Variants in ZCCHC7 observed in about 807,000 individuals in gnomAD.
ZCCHC7 encodes the protein zinc finger CCHC-type containing 7.
A neutral mutation model predicts 52.0 loss-of-function variants in ZCCHC7; 35 were observed. That is an observed-to-expected ratio of 0.67 (90% CI 0.51 to 0.89). The LOEUF (loss-of-function observed/expected upper bound fraction) is 0.89, where lower values mean the gene tolerates loss of function less well. Among genes scored for constraint, ZCCHC7 ranks in the 40% least tolerant of loss-of-function variants. ZCCHC7 has a pLI of 0.00. For missense variants in ZCCHC7, 574 were observed against 649.1 expected (o/e 0.88, Z 1.26); for synonymous variants, 217 against 221.5 (o/e 0.98, Z 0.18).
chr9:37,224,575 T>C (rs1824998545), intron 2 of ZCCHC7, among the ~76,000 whole-genome samples: 1 of 152,196 alleles, frequency 6.6e-6, no homozygotes, highest in Non-Finnish European at 1.5e-5. Flanking sequence ...ATAAAGTGAC[T>C]TCTGTAGCTC....
rs576022493 is a variant in ZCCHC7 at position 37,283,012 on chromosome 9, A to G, written c.611-19176A>G. Among the ~76,000 whole-genome samples the G allele has an allele frequency of 2.6e-5, 4 of 151,798 alleles. No individual in the cohort carries two copies. The South Asian group carries it at 8.3e-4, about 32-fold the overall frequency. On this transcript the variant is annotated intron_variant, in intron 2 of 8. Coordinates refer to ENST00000336755, the MANE Select transcript of ZCCHC7 (RefSeq NM_032226.3). ...GGTGTTGAAGCAACTCAATCATGCT[A>G]CTACTAATAGTTCCTCTTGGGTTGA...
intron 2 of ZCCHC7, among the ~76,000 whole-genome samples, chr9:37,233,350 G>A (rs1325299279): frequency 6.6e-6 from 1 of 152,130 alleles, no homozygotes; most frequent in Non-Finnish European, 1.5e-5. Context: ...CATATGACCT[G>A]GGAAATTGTG....
At chr9:37,288,827 C>T (rs998170504) in intron 2 of ZCCHC7, among the ~76,000 whole-genome samples, 39 of 152,268 alleles carry the variant, frequency 2.6e-4, no homozygotes, top group African/African-American at 9.1e-4. Flanking sequence ...TAAATTCTTG[C>T]TCATGTTCTA....
At chr9:37,181,317 A>G (rs1161230300) in intron 2 of ZCCHC7, among the ~76,000 whole-genome samples, 1 of 152,162 alleles carries the variant, frequency 6.6e-6, no homozygotes, top group Admixed American at 6.5e-5. Flanking sequence ...AGAAGGTATG[A>G]CTACTTCAAA....
At chr9:37,325,734 C>T (rs1304893979) in intron 5 of ZCCHC7, among the ~76,000 whole-genome samples, 2 of 151,948 alleles carry the variant, frequency 1.3e-5, no homozygotes, top group Non-Finnish European at 2.9e-5. Context: ...ATAAGTATTA[C>T]AAAAAATAGC....
chr9:37,242,428 C>T (rs999038813), intron 2 of ZCCHC7, among the ~76,000 whole-genome samples: 4 of 151,790 alleles, frequency 2.6e-5, no homozygotes, highest in African/African-American at 4.8e-5. Flanking sequence ...TGTATGAGGG[C>T]ACTTCCTTGC....
intron 5 of ZCCHC7, among the ~76,000 whole-genome samples, chr9:37,311,595 A>G (rs13289001): frequency 0.33 from 50,823 of 151,804 alleles, 8,866 homozygotes; most frequent in Middle Eastern, 0.41. Context: ...TTTTTAGTAG[A>G]GGTGTGGTTT....
intron 5 of ZCCHC7, among the ~76,000 whole-genome samples, chr9:37,319,190 T>C (rs117847856): frequency 3.3e-5 from 5 of 152,118 alleles, no homozygotes; most frequent in Admixed American, 2.0e-4. Flanking sequence ...TGGTGAAATA[T>C]TAACATCCCT....
intron 2 of ZCCHC7, among the ~76,000 whole-genome samples, chr9:37,249,253 T>C (rs1314565205): frequency 6.6e-6 from 1 of 152,092 alleles, no homozygotes; most frequent in African/African-American, 2.4e-5. Context: ...AATGGTCATG[T>C]TCTCCAGTGC....
At chr9:37,197,820 C>T (rs949063527) in intron 2 of ZCCHC7, among the ~76,000 whole-genome samples, 1 of 152,022 alleles carries the variant, frequency 6.6e-6, no homozygotes, top group Non-Finnish European at 1.5e-5. Flanking sequence ...AAGTGGTTGT[C>T]TCTTTGGCAT....
chr9:37,226,711 A>C (rs1825123976), intron 2 of ZCCHC7, among the ~76,000 whole-genome samples: 1 of 152,220 alleles, frequency 6.6e-6, no homozygotes, highest in Non-Finnish European at 1.5e-5. Context: ...ATTTAAATGT[A>C]AGAATTATAT....
chr9:37,310,800 T>C (rs1184693014), intron 5 of ZCCHC7, among the ~76,000 whole-genome samples: 2 of 150,794 alleles, frequency 1.3e-5, no homozygotes, highest in Non-Finnish European at 1.5e-5. Flanking sequence ...AAAAAAAAAA[T>C]TTAAAAATTA....
intron 2 of ZCCHC7, among the ~76,000 whole-genome samples, chr9:37,291,933 TC>T (rs1322259007): frequency 6.6e-6 from 1 of 152,246 alleles, no homozygotes. Context: ...CCTCAGGTGA[TC>T]CGCCTGCCTT....
chr9:37,139,892 T>C (rs1207097186), intron 2 of ZCCHC7, among the ~76,000 whole-genome samples: 1 of 151,956 alleles, frequency 6.6e-6, no homozygotes, highest in Non-Finnish European at 1.5e-5. Context: ...GAGGGAAAGC[T>C]CCAACTCTTG....
intron 2 of ZCCHC7, among the ~76,000 whole-genome samples, chr9:37,231,515 T>C (rs910719059): frequency 2.6e-5 from 4 of 152,156 alleles, no homozygotes; most frequent in Non-Finnish European, 5.9e-5. Context: ...TTTTGTATAT[T>C]TTTTTATTAA....
intron 2 of ZCCHC7, among the ~76,000 whole-genome samples, chr9:37,222,360 T>TG (rs1239410057): frequency 1.3e-5 from 2 of 151,106 alleles, no homozygotes; most frequent in Non-Finnish European, 3.0e-5. Context: ...TGTGTGTGTG[T>TG]GTGTGTGTGT....
intron 5 of ZCCHC7, among the ~76,000 whole-genome samples, chr9:37,307,934 G>A (rs1306339199): frequency 6.6e-6 from 1 of 152,096 alleles, no homozygotes; most frequent in African/African-American, 2.4e-5. Flanking sequence ...ACTTATGTCT[G>A]GATAAGTATT....
intron 5 of ZCCHC7, chr9:37,327,202 T>G (rs895954008): frequency 1.3e-5 from 2 of 152,158 alleles, no homozygotes; most frequent in Non-Finnish European, 2.9e-5. Context: ...TTGGGGATTT[T>G]TAAAGTTGTT....
chr9:37,275,402 A>C (rs1233065831), intron 2 of ZCCHC7, among the ~76,000 whole-genome samples: 1 of 151,312 alleles, frequency 6.6e-6, no homozygotes, highest in Non-Finnish European at 1.5e-5. Flanking sequence ...CCTTAATAAA[A>C]CATTATAAAG....
Sources: gnomAD v4.1 joint callset for allele counts (sites outside exome capture counted in the v4.1 genomes callset) on GRCh38, gnomAD v4.1.1 for gene constraint, MANE v1.5 for transcripts, NCBI Gene and HGNC (gene_info 2026-07-23, HGNC 2026-07-21) for gene names.